Variants in PPP3CC observed in about 807,000 individuals in gnomAD.
PPP3CC encodes the protein serine/threonine-protein phosphatase 2B catalytic subunit gamma isoform.
A neutral mutation model predicts 60.3 loss-of-function variants in PPP3CC; 35 were observed. The observed-to-expected ratio is 0.58, with a 90% CI of 0.44 to 0.77. The LOEUF is 0.77. Ranked by LOEUF, PPP3CC falls within the 30% of genes least tolerant of loss-of-function variation. The pLI, the probability that PPP3CC is intolerant of heterozygous loss-of-function variation, is 0.00. For missense variants in PPP3CC, 570 were observed against 628.9 expected, an observed-to-expected ratio of 0.91 and a Z score of 1.00; for synonymous variants, 206 against 224.3, an observed-to-expected ratio of 0.92 and a Z score of 0.73.
chr8:22,525,375 T>C (rs1253558424), intron 8 of PPP3CC, among the ~76,000 whole-genome samples: 1 of 152,072 alleles, frequency 6.6e-6, no homozygotes, highest in Non-Finnish European at 1.5e-5. Context: ...GGAACTCTAT[T>C]ATTCTTTTTC....
At chr8:22,503,749 T>G (rs1838830706) in intron 4 of PPP3CC, among the ~76,000 whole-genome samples, 1 of 152,240 alleles carries the variant, frequency 6.6e-6, no homozygotes, top group Admixed American at 6.5e-5. Context: ...ATGATTTAAC[T>G]GTAGTTAAAC....
In PPP3CC at chr8:22,441,400, C is replaced by G. The variant is rs770704973; in HGVS notation, c.-10C>G. ...CGGGCTCCTGGAGCCTGGAGGAGGCCGAGGGGACCATGTCCGGGAGGCGCT... is the reference window on the plus strand; with the variant it reads ...CGGGCTCCTGGAGCCTGGAGGAGGCGGAGGGGACCATGTCCGGGAGGCGCT... On this transcript the variant is annotated 5_prime_UTR_variant, in exon 1 of 14. Coordinates refer to ENST00000240139, the MANE Select transcript of PPP3CC (RefSeq NM_005605.5). 2 of 1,539,782 alleles carry G rather than the reference C, an allele frequency of 1.3e-6. No individual in the cohort carries two copies. The highest frequency in any genetic ancestry group is 1.7e-6 in the Non-Finnish European group (2 of 1,143,620).
intron 3 of PPP3CC, among the ~76,000 whole-genome samples, chr8:22,479,111 G>A (rs537319862): frequency 1.3e-4 from 20 of 152,148 alleles, no homozygotes; most frequent in Admixed American, 4.6e-4. Flanking sequence ...CTAACATGTT[G>A]CAAGTATACA....
In PPP3CC at chr8:22,540,872, A is replaced by T. The variant is rs981362042; in HGVS notation, c.*70A>T. 1 of 1,353,130 alleles carries T rather than the reference A, an allele frequency of 7.4e-7. No homozygotes were observed. Among genetic ancestry groups the T allele is most frequent in the South Asian group, 1.7e-5 (1 of 57,258 alleles). The allele number at this position is 1,353,130 out of a possible 1,614,324, so 83.8% of individuals were successfully genotyped here. A position where few individuals can be genotyped will look rare whatever the true frequency, so the allele number is the denominator to read the frequency against. On this transcript the variant is annotated 3_prime_UTR_variant, in exon 14 of 14. Coordinates refer to ENST00000240139, the MANE Select transcript of PPP3CC (RefSeq NM_005605.5). The stretch of plus-strand genomic sequence containing the variant: ...AAATTCTATTTATTTATTATTGGAA[A>T]ATGAAAAGCAACTCAAAACAACTTC...
chr8:22,526,360 G>A (rs1448984028), intron 8 of PPP3CC, among the ~76,000 whole-genome samples: 1 of 152,166 alleles, frequency 6.6e-6, no homozygotes, highest in African/African-American at 2.4e-5. Context: ...AATTGAGGGA[G>A]TTGTTGAATA....
chr8:22,505,857 A>G (rs1005158010), intron 4 of PPP3CC, among the ~76,000 whole-genome samples: 8 of 151,998 alleles, frequency 5.3e-5, no homozygotes, highest in Admixed American at 2.6e-4. Context: ...ATCCTTGGTG[A>G]TAACAATGTT....
chr8:22,470,993 A>C (rs923573790), intron 1 of PPP3CC, among the ~76,000 whole-genome samples: 1 of 152,232 alleles, frequency 6.6e-6, no homozygotes, highest in African/African-American at 2.4e-5. Context: ...AAGCTGCTCT[A>C]GTCATACATT....
At chr8:22,487,214 A>G (rs908676869) in intron 3 of PPP3CC, among the ~76,000 whole-genome samples, 1 of 152,210 alleles carries the variant, frequency 6.6e-6, no homozygotes, top group African/African-American at 2.4e-5. Flanking sequence ...ATTCTCACAC[A>G]TGAAGTAACT....
intron 5 of PPP3CC, 30 bp from the exon 6 acceptor site, chr8:22,513,263 T>G: frequency 6.3e-7 from 1 of 1,598,396 alleles, no homozygotes; most frequent in East Asian, 2.2e-5. Context: ...TCTCCTGATT[T>G]TTTTCTTTTG....
At position 22,509,634 on chromosome 8, in the gene PPP3CC, G is replaced by A. The variant is rs1839024726; in HGVS notation, c.485-1452G>A. 2.0e-5 allele frequency among the ~76,000 whole-genome samples: 3 copies of A among 152,264 alleles called. No homozygotes were observed. The South Asian group carries it at 6.2e-4, about 32-fold the overall frequency. The stretch of plus-strand genomic sequence containing the variant: ...GTAGAGACTCCTCCTTCCACCCACT[G>A]ATGTATTTCCTTATTCTGTAGCCCC... On this transcript the variant is annotated intron_variant, in intron 4 of 13. Transcript: ENST00000240139.
chr8:22,441,867 T>C (rs1836684177), intron 1 of PPP3CC, among the ~76,000 whole-genome samples: 2 of 152,196 alleles, frequency 1.3e-5, no homozygotes, highest in Admixed American at 6.5e-5. Flanking sequence ...CCACCCTTTT[T>C]TAGGACGTAT....
intron 3 of PPP3CC, among the ~76,000 whole-genome samples, chr8:22,483,578 G>A (rs111978044): frequency 0.021 from 3,240 of 152,218 alleles, 133 homozygotes; most frequent in African/African-American, 0.074. Context: ...GAGCCACTGC[G>A]CCCAGTCCCA....
intron 3 of PPP3CC, among the ~76,000 whole-genome samples, chr8:22,481,730 T>C (rs1313089626): frequency 6.6e-6 from 1 of 151,978 alleles, no homozygotes; most frequent in Non-Finnish European, 1.5e-5. Context: ...TGTATGATGT[T>C]CCCCTCCCTG....
chr8:22,484,705 C>G (rs1378089151), intron 3 of PPP3CC, among the ~76,000 whole-genome samples: 1 of 152,166 alleles, frequency 6.6e-6, no homozygotes, highest in Non-Finnish European at 1.5e-5. Flanking sequence ...AAAGTGTTGC[C>G]ATTCCTTTTA....
Position 22,483,371 on chromosome 8 carries a change from C to A in PPP3CC, c.372+7747C>A, listed in dbSNP as rs1323380935. Among the ~76,000 whole-genome samples the A allele has an allele frequency of 3.9e-5, 6 of 152,216 alleles. No homozygotes were observed. The East Asian group carries it at 1.2e-3, about 30-fold the overall frequency. ...GCGCAATCTCGACTCACTGCAGGCT[C>A]CGCCTCCAGGGTTCACGCCATTCTC... On this transcript the variant is annotated intron_variant, in intron 3 of 13. Transcript: ENST00000240139.
At chr8:22,529,667 A>G (rs1336864831) in intron 10 of PPP3CC, among the ~76,000 whole-genome samples, 2 of 151,996 alleles carry the variant, frequency 1.3e-5, no homozygotes, top group South Asian at 2.1e-4. Flanking sequence ...TATTTTTAGT[A>G]TAGATGGGGT....
intron 3 of PPP3CC, among the ~76,000 whole-genome samples, chr8:22,490,953 C>CCA (rs1838386753): frequency 6.6e-6 from 1 of 152,072 alleles, no homozygotes; most frequent in Admixed American, 6.6e-5. Context: ...ACTTATAATC[C>CCA]TTTGGGTATA....
intron 4 of PPP3CC, 53 bp from the exon 5 acceptor site, chr8:22,511,033 T>A: frequency 6.3e-7 from 1 of 1,576,116 alleles, no homozygotes; most frequent in Non-Finnish European, 8.7e-7. Flanking sequence ...ATATCCTTTT[T>A]CAAATGTGAT....
intron 3 of PPP3CC, among the ~76,000 whole-genome samples, chr8:22,480,269 A>G (rs143535412): frequency 1.3e-5 from 2 of 152,164 alleles, no homozygotes; most frequent in Non-Finnish European, 2.9e-5. Context: ...GAGTTATACA[A>G]TTTTTATGAG....
Sources: gnomAD v4.1 joint callset for allele counts (sites outside exome capture counted in the v4.1 genomes callset) on GRCh38, gnomAD v4.1.1 for gene constraint, MANE v1.5 for transcripts, NCBI Gene and HGNC (gene_info 2026-07-23, HGNC 2026-07-21) for gene names.